The following TRAF3IP1 variants were observed in gnomAD, a reference collection of about 807,000 sequenced individuals.
TRAF3IP1 encodes the protein intraflagellar transport 54.
In TRAF3IP1, 53 loss-of-function variants were observed where a neutral mutation model predicts 89.9. The ratio of observed to expected loss-of-function variants is 0.59; its 90% CI spans 0.47 to 0.74. The LOEUF (loss-of-function observed/expected upper bound fraction) is 0.74. Ranked by LOEUF, TRAF3IP1 falls within the 30% of genes least tolerant of loss-of-function variation. TRAF3IP1 has a pLI of 0.00. For missense variants in TRAF3IP1, 806 were observed against 866.1 expected (o/e 0.93, Z 0.87); for synonymous variants, 311 against 322.1 (o/e 0.97, Z 0.37).
intron 8 of TRAF3IP1, among the ~76,000 whole-genome samples, chr2:238,342,373 A>G (rs1698702290): frequency 6.6e-6 from 1 of 151,382 alleles, no homozygotes; most frequent in Non-Finnish European, 1.5e-5. Context: ...GTGATTATGA[A>G]TTGATTCTAC....
In TRAF3IP1 at chr2:238,345,336, G is replaced by A. The variant is rs944194797; in HGVS notation, c.1261+738G>A. Among the ~76,000 whole-genome samples, 5 of 152,232 alleles carry A rather than the reference G, an allele frequency of 3.3e-5. No individual in the cohort carries two copies. Among genetic ancestry groups the A allele is most frequent in the East Asian group, 1.9e-4 (1 of 5,196 alleles). On this transcript the variant is annotated intron_variant, in intron 9 of 16. Coordinates refer to ENST00000373327, the MANE Select transcript of TRAF3IP1 (RefSeq NM_015650.4). This position sits in a 1 kb window ranked among gnomAD's most constrained non-coding sequence, Gnocchi z 4.7. Reference sequence around the variant, plus strand: ...TGAGGCTCGAAGATCAACCGAAATCGTTTGATGGGGTGGCAGTCTGGGACG... The same window carrying A: ...TGAGGCTCGAAGATCAACCGAAATCATTTGATGGGGTGGCAGTCTGGGACG...
intron 3 of TRAF3IP1, 41 bp from the exon 4 acceptor site, chr2:238,328,645 A>T: frequency 6.3e-7 from 1 of 1,596,740 alleles, no homozygotes; most frequent in Non-Finnish European, 8.5e-7. Flanking sequence ...TGCGGATCTC[A>T]TTTCACCTAA....
rs1156440264 is a variant in TRAF3IP1, at chr2:238,351,875, G to GCA, written c.1452-951_1452-950insAC. ...TGTGTGTGTGTGTGTGTGCGCGCGC[G>GCA]CGCGTGTGCGTGCATGTGCTTGTGT... On this transcript the variant is annotated intron_variant, in intron 12 of 16. Coordinates refer to ENST00000373327, the MANE Select transcript of TRAF3IP1 (RefSeq NM_015650.4). This position sits in a 1 kb window ranked among gnomAD's most constrained non-coding sequence, Gnocchi z 5.2. Among the ~76,000 whole-genome samples, 75 of 151,224 alleles carry GCA rather than the reference G, an allele frequency of 5.0e-4. No homozygotes were observed. The highest frequency in any genetic ancestry group is 9.3e-4 in the Non-Finnish European group (63 of 67,658).
At chr2:238,322,687 CAAAAAAAAA>C (rs71043130) in intron 1 of TRAF3IP1, among the ~76,000 whole-genome samples, 3 of 43,586 alleles carry the variant, frequency 6.9e-5, no homozygotes, top group South Asian at 1.7e-3. Flanking sequence ...GACCCTGTCT[CAAAAAAAAA>C]AAAAAAAAAA....
At chr2:238,360,342 T>C (rs899363314) in intron 15 of TRAF3IP1, among the ~76,000 whole-genome samples, 1 of 152,162 alleles carries the variant, frequency 6.6e-6, no homozygotes, top group Non-Finnish European at 1.5e-5. Context: ...TGCCAGACCA[T>C]AGGGCTGGGT....
rs1483600523 is a variant in TRAF3IP1 at position 238,400,680 on chromosome 2, A to G, written c.*1761A>G. Reference sequence around the variant, plus strand: ...TTATAATCTCTTTTCTACTGAATCAAATGACTTAGCCATGACCCTGAATGG... The same window carrying G: ...TTATAATCTCTTTTCTACTGAATCAGATGACTTAGCCATGACCCTGAATGG... On this transcript the variant is annotated 3_prime_UTR_variant, in exon 17 of 17. Transcript: ENST00000373327. The G allele has an allele frequency of 1.3e-5, 2 of 152,160 alleles. No homozygotes were observed. 9.4% of individuals were successfully genotyped at this position (152,160 alleles called of 1,614,324 possible). A position where few individuals can be genotyped will look rare whatever the true frequency, so the allele number is the denominator to read the frequency against.
chr2:238,366,121 A>G (rs1158629092), intron 15 of TRAF3IP1, among the ~76,000 whole-genome samples: 1 of 151,994 alleles, frequency 6.6e-6, no homozygotes, highest in African/African-American at 2.4e-5. Context: ...AGTCCCAGCT[A>G]CTCGGGAGGC....
intron 7 of TRAF3IP1, among the ~76,000 whole-genome samples, chr2:238,336,407 G>A (rs549030067): frequency 2.6e-5 from 4 of 152,208 alleles, no homozygotes; most frequent in South Asian, 2.1e-4. Context: ...ATTCTGCCTC[G>A]CTTAAGTAGG....
At chr2:238,357,853 G>T (rs950572218) in intron 15 of TRAF3IP1, among the ~76,000 whole-genome samples, 1 of 152,148 alleles carries the variant, frequency 6.6e-6, no homozygotes, top group African/African-American at 2.4e-5. Context: ...TATTAGGATT[G>T]TGTTTCAAAG....
chr2:238,325,317 G>T lies in TRAF3IP1; in HGVS notation c.135G>T (p.Met45Ile). ...LHDIITEVIR[M>I]TGFMKGLYTD... Reference sequence around the variant, plus strand: ...TTTCTCTCTTGAAGGTGATTAGAATGACTGGTTTCATGAAGGGCCTCTACA... The same window carrying T: ...TTTCTCTCTTGAAGGTGATTAGAATTACTGGTTTCATGAAGGGCCTCTACA... Residue 45 changes from methionine (M) to isoleucine (I), a missense_variant, in exon 2 of 17, where the codon ATG becomes ATT. Transcript: ENST00000373327. 2 of 1,614,140 alleles carry T rather than the reference G, an allele frequency of 1.2e-6. No homozygotes were observed. The highest frequency in any genetic ancestry group is 1.1e-5 in the South Asian group (1 of 91,066).
At chr2:238,372,886 T>C (rs544343336) in intron 15 of TRAF3IP1, among the ~76,000 whole-genome samples, 19 of 152,250 alleles carry the variant, frequency 1.2e-4, no homozygotes, top group Non-Finnish European at 2.2e-4. Flanking sequence ...TGACCAGTGA[T>C]GATGAGCATT....
In TRAF3IP1 at chr2:238,359,348, A is replaced by G. The variant is rs142844195; in HGVS notation, c.1689+3268A>G. Among the ~76,000 whole-genome samples, 1,064 of 152,192 alleles carry G rather than the reference A, an allele frequency of 7.0e-3. 8 individuals carry two copies. The highest frequency in any genetic ancestry group is 0.015 in the South Asian group (72 of 4,818). On this transcript the variant is annotated intron_variant, in intron 15 of 16. Coordinates refer to ENST00000373327, the MANE Select transcript of TRAF3IP1 (RefSeq NM_015650.4). ...CCTTGGTGAGCCCATCCTCCAGCCC[A>G]TCTCCATGTTCCCCTTACCCCACGC...
At chr2:238,353,488 C>T (rs1286667214) in intron 14 of TRAF3IP1, among the ~76,000 whole-genome samples, 3 of 152,124 alleles carry the variant, frequency 2.0e-5, no homozygotes, top group East Asian at 3.9e-4. Context: ...TCGTCTCTTC[C>T]GTACGATTAA....
intron 5 of TRAF3IP1, 85 bp downstream of exon 5, chr2:238,329,427 G>A: frequency 8.1e-7 from 1 of 1,229,346 alleles, no homozygotes. Flanking sequence ...CTTACAATAT[G>A]ACTAGGAAAC....
At chr2:238,375,972 C>T (rs962729562) in intron 15 of TRAF3IP1, among the ~76,000 whole-genome samples, 1 of 152,124 alleles carries the variant, frequency 6.6e-6, no homozygotes, top group Non-Finnish European at 1.5e-5. Flanking sequence ...GCAATGCTGT[C>T]TCTGCTGAAT....
At chr2:238,384,318 ATC>A (rs1700665957) in intron 15 of TRAF3IP1, among the ~76,000 whole-genome samples, 1 of 151,150 alleles carries the variant, frequency 6.6e-6, no homozygotes, top group Non-Finnish European at 1.5e-5. Context: ...TCCTTTTCTA[ATC>A]TGTCCAGAAT....
At chr2:238,342,122 G>T (rs1226438398) in intron 8 of TRAF3IP1, among the ~76,000 whole-genome samples, 1 of 152,062 alleles carries the variant, frequency 6.6e-6, no homozygotes, top group Non-Finnish European at 1.5e-5. Flanking sequence ...CTGAGTAGCT[G>T]GGATTACAGG....
chr2:238,349,265 C>G, intron 11 of TRAF3IP1, 60 bp from the exon 12 acceptor site: 1 of 1,505,068 alleles, frequency 6.6e-7, no homozygotes, highest in South Asian at 1.2e-5. Context: ...CTTTCTTTTC[C>G]AGTTTGAAAT....
chr2:238,371,539 G>A (rs956348372), intron 15 of TRAF3IP1, among the ~76,000 whole-genome samples: 4 of 152,188 alleles, frequency 2.6e-5, no homozygotes, highest in Non-Finnish European at 4.4e-5. Context: ...GATAATGCAA[G>A]AGCTCAAAAA....
Sources: gnomAD v4.1 joint callset for allele counts (sites outside exome capture counted in the v4.1 genomes callset) on GRCh38, gnomAD v4.1.1 for gene constraint, Gnocchi (gnomAD v3.1) non-coding constraint, MANE v1.5 for transcripts, NCBI Gene and HGNC (gene_info 2026-07-23, HGNC 2026-07-21) for gene names.